The following DLG5 variants were observed in gnomAD, a reference collection of about 807,000 sequenced individuals.
The protein encoded by DLG5 is discs large MAGUK scaffold protein 5, also known as disks large homolog 5.
Under a neutral mutation model 189.8 loss-of-function variants are expected in DLG5, and 48 were observed. That is an observed-to-expected ratio of 0.25 (90% confidence interval 0.20 to 0.32). The LOEUF (loss-of-function observed/expected upper bound fraction) is 0.32. Among genes scored for constraint, DLG5 ranks in the 10% least tolerant of loss-of-function variants. The pLI is 1.00. For synonymous variants in DLG5, 1,016 were observed against 1,054.1 expected, an observed-to-expected ratio of 0.96 and a Z score of 0.70; for missense variants, 2,160 against 2,544.7, an observed-to-expected ratio of 0.85 and a Z score of 3.25.
chr10:77,819,442 G>C lies in DLG5; in HGVS notation c.3550C>G (p.Pro1184Ala), dbSNP rs760211578. 19 of 1,613,556 alleles carry C rather than the reference G, an allele frequency of 1.2e-5. No individual in the cohort carries two copies. The highest frequency in any genetic ancestry group is 1.7e-5 in the Admixed American group (1 of 59,980). ...AGGATGGAGCTCACAGTGGTGCTGG[G>C]GGTCAAACTCCGGGGAACAGTGCCT... ...SVGTVPRSLT[P>A]STTVSSILRN... is the part of the protein sequence containing the mutation. The change falls in exon 17 of 32, where the codon CCC (proline) becomes GCC (alanine). Residue 1184 changes from proline (P) to alanine (A), a missense_variant. Physicochemically the swap from Pro to Ala is conservative, Grantham distance 27. Around this residue, in one of 5 missense-constraint regions of DLG5, gnomAD observed 754 missense variants for 746.5 expected, o/e 1.01. Transcript: ENST00000372391.
At chr10:77,934,582 G>A in the DLG5 span, among the ~76,000 whole-genome samples, 5 of 152,190 alleles carry the variant, frequency 3.3e-5, no homozygotes, top group East Asian at 5.8e-4. Context: ...CTGAGATGGA[G>A]GGGCCCACAT....
intron 16 of DLG5, 193 bp from the exon 17 acceptor site, chr10:77,819,658 T>C (rs1413943280): frequency 4.0e-6 from 4 of 1,011,688 alleles, no homozygotes; most frequent in Non-Finnish European, 5.6e-6. Context: ...AGGGGGGAAG[T>C]CTCTTTCATG....
chr10:77,891,348 G>A (rs1845601246), intron 1 of DLG5, among the ~76,000 whole-genome samples: 1 of 152,146 alleles, frequency 6.6e-6, no homozygotes, highest in African/African-American at 2.4e-5. Context: ...TTTGCACTGG[G>A]CCTGCAAACT....
chr10:77,806,038 C>T (rs1023081298), intron 26 of DLG5, 177 bp from the exon 27 acceptor site: 3 of 583,054 alleles, frequency 5.1e-6, no homozygotes, highest in Admixed American at 6.6e-5. Flanking sequence ...GTACATGCTG[C>T]GGGGGTGACA....
chr10:77,871,051 G>A (rs1844877502), intron 1 of DLG5, among the ~76,000 whole-genome samples: 2 of 152,228 alleles, frequency 1.3e-5, no homozygotes, highest in Admixed American at 1.3e-4. Context: ...ATGACCAGTA[G>A]CCTCATTATC....
chr10:77,884,141 A>C (rs2154577464), intron 1 of DLG5, among the ~76,000 whole-genome samples: 1 of 152,296 alleles, frequency 6.6e-6, no homozygotes. Context: ...AGAATGATGC[A>C]TCCTAGAAGG....
At chr10:77,834,641 T>C (rs1264403382) in intron 8 of DLG5, among the ~76,000 whole-genome samples, 6 of 152,124 alleles carry the variant, frequency 3.9e-5, no homozygotes, top group African/African-American at 7.2e-5. Flanking sequence ...ATTACCTGGC[T>C]GTGGAGGGGC....
Position 77,926,467 on chromosome 10 carries a change from C to G in DLG5, c.54G>C (p.Gln18His). 1 of 1,518,188 alleles carries G rather than the reference C, an allele frequency of 6.6e-7. No individual in the cohort carries two copies. The highest frequency in any genetic ancestry group is 1.2e-5 in the South Asian group (1 of 80,146). The allele number at this position is 1,518,188 out of a possible 1,614,324, so 94.0% of individuals were successfully genotyped here. A position where few individuals can be genotyped will look rare whatever the true frequency, so the allele number is the denominator to read the frequency against. ...LLAQCQQSLAQAMTEVEAVLG... is the reference protein window; with the variant it reads ...LLAQCQQSLAHAMTEVEAVLG... ...GCACGGCTTCCACCTCCGTCATGGC[C>G]TGGGCCAGGCTCTGCTGACACTGGG... Residue 18 changes from glutamine (Q) to histidine (H), a missense_variant, in exon 1 of 32, where the codon CAG becomes CAC. By Grantham distance (24) the Gln-to-His change is conservative. This residue lies in a region of DLG5 where 664 missense variants were observed against 838.5 expected (regional missense o/e 0.79). Coordinates refer to ENST00000372391, the MANE Select transcript of DLG5 (RefSeq NM_004747.4). This position sits in a 1 kb window ranked among gnomAD's most constrained non-coding sequence, Gnocchi z 5.2.
chr10:77,935,893 G>A, the DLG5 span, among the ~76,000 whole-genome samples: 1 of 152,038 alleles, frequency 6.6e-6, no homozygotes, highest in East Asian at 1.9e-4. Flanking sequence ...CATTTAAAAG[G>A]ATTTCCTTCC....
chr10:77,838,608 A>T (rs1234494412), intron 7 of DLG5, among the ~76,000 whole-genome samples: 1 of 152,194 alleles, frequency 6.6e-6, no homozygotes, highest in Non-Finnish European at 1.5e-5. Flanking sequence ...AGAGAAGGAA[A>T]GGGGAAAATG....
At chr10:77,934,374 A>AAC in the DLG5 span, among the ~76,000 whole-genome samples, 1 of 149,484 alleles carries the variant, frequency 6.7e-6, no homozygotes, top group African/African-American at 2.5e-5. Flanking sequence ...TCCATCTCAA[A>AAC]AAAAAAAAAA....
chr10:77,895,009 C>T (rs963836514), intron 1 of DLG5, among the ~76,000 whole-genome samples: 5 of 152,176 alleles, frequency 3.3e-5, no homozygotes, highest in African/African-American at 1.2e-4. Context: ...CTTGGAACTT[C>T]GATACAACCT....
intron 15 of DLG5, chr10:77,820,751 C>T (rs1192751485): frequency 3.0e-6 from 1 of 330,334 alleles, no homozygotes. Context: ...CTCAGCCTCA[C>T]ACGTGCCACC....
At chr10:77,868,739 C>T (rs1844786391) in intron 2 of DLG5, 1 of 246,970 alleles carries the variant, frequency 4.0e-6, no homozygotes, top group African/African-American at 2.4e-5. Context: ...TTCAGAGAAA[C>T]ACACCCAATT....
chr10:77,859,765 T>C (rs2579137), intron 2 of DLG5, among the ~76,000 whole-genome samples: 114,431 of 152,234 alleles, frequency 0.75, 44,186 homozygotes, highest in African/African-American at 0.94. Context: ...GCCACCAGCA[T>C]CATGACAGCC....
Position 77,792,552 on chromosome 10 carries a change from G to C in DLG5, c.5657-9C>G, listed in dbSNP as rs779992597. On this transcript the variant is annotated splice_polypyrimidine_tract_variant and intron_variant, in intron 31 of 31. Coordinates refer to ENST00000372391, the MANE Select transcript of DLG5 (RefSeq NM_004747.4). ...TCCTCCCTGGATGACCCCTGCAAAA[G>C]AGCCCCCCAGACACGTCATTCAGCT... The C allele has an allele frequency of 4.3e-6, 7 of 1,613,834 alleles. No homozygotes were observed. The highest frequency in any genetic ancestry group is 5.9e-6 in the Non-Finnish European group (7 of 1,179,756).
chr10:77,806,026 C>T (rs753147607), intron 26 of DLG5, 165 bp from the exon 27 acceptor site: 20 of 643,262 alleles, frequency 3.1e-5, no homozygotes, highest in African/African-American at 5.5e-5. Flanking sequence ...TGGGAACCCT[C>T]GGTACATGCT....
chr10:77,838,086 A>C (rs1329341756), intron 7 of DLG5, among the ~76,000 whole-genome samples: 1 of 152,128 alleles, frequency 6.6e-6, no homozygotes, highest in Non-Finnish European at 1.5e-5. Flanking sequence ...AAGTTCTGGA[A>C]AGGCCACTGC....
chr10:77,835,631 C>T, intron 8 of DLG5, 107 bp downstream of exon 8: 1 of 1,242,502 alleles, frequency 8.0e-7, no homozygotes, highest in South Asian at 1.6e-5. Flanking sequence ...GTCCCTCCCA[C>T]TTTACCTGGA....
Sources: allele counts gnomAD v4.1 joint callset (sites outside exome capture counted in the v4.1 genomes callset), GRCh38; gene constraint gnomAD v4.1.1; regional missense constraint gnomAD v4.1.1; non-coding constraint Gnocchi (gnomAD v3.1); transcripts MANE v1.5; gene names NCBI Gene and HGNC (gene_info 2026-07-23, HGNC 2026-07-21).